Variants in TET1 observed in about 807,000 individuals in gnomAD.
TET1 encodes the protein methylcytosine dioxygenase TET1.
A neutral mutation model predicts 148.7 loss-of-function variants in TET1; 13 were observed. The ratio of observed to expected loss-of-function variants is 0.09; its 90% CI spans 0.06 to 0.14. The LOEUF (loss-of-function observed/expected upper bound fraction) is 0.14. Among genes scored for constraint, TET1 ranks in the 10% least tolerant of loss-of-function variants. The pLI is 1.00. For missense variants in TET1, 2,182 were observed against 2,553.8 expected, an observed-to-expected ratio of 0.85 and a Z score of 3.14; for synonymous variants, 907 against 937.2, an observed-to-expected ratio of 0.97 and a Z score of 0.59.
intron 3 of TET1, among the ~76,000 whole-genome samples, chr10:68,627,422 A>G (rs898789538): frequency 2.6e-5 from 4 of 151,728 alleles, no homozygotes; most frequent in Non-Finnish European, 4.4e-5. Context: ...AAAAAAAATA[A>G]ATAAATAAAA....
At chr10:68,600,464 C>T (rs1368786930) in intron 2 of TET1, among the ~76,000 whole-genome samples, 3 of 152,282 alleles carry the variant, frequency 2.0e-5, no homozygotes, top group South Asian at 2.1e-4. Flanking sequence ...AGAGCCGAGC[C>T]GCACAGGAGA....
intron 2 of TET1, among the ~76,000 whole-genome samples, chr10:68,584,367 CAT>C (rs1386733639): frequency 6.6e-6 from 1 of 150,974 alleles, no homozygotes; most frequent in African/African-American, 2.4e-5. Context: ...CTTACAAATA[CAT>C]ATGAGTCAGC....
At chr10:68,619,219 T>G (rs982835330) in intron 3 of TET1, among the ~76,000 whole-genome samples, 4 of 152,126 alleles carry the variant, frequency 2.6e-5, no homozygotes, top group African/African-American at 9.7e-5. Flanking sequence ...TAGACACATG[T>G]GTCCACCCCT....
Position 68,572,774 on chromosome 10 carries a change from C to G in TET1, c.436C>G (p.Pro146Ala), listed in dbSNP as rs774343833. 1 of 1,614,142 alleles carries G rather than the reference C, an allele frequency of 6.2e-7. No homozygotes were observed. The highest frequency in any genetic ancestry group is 1.1e-5 in the South Asian group (1 of 91,076). ...ACATGATTGTGATTATAAGATACTC[C>G]CTGCTTTGGGAGTAAAGCACTCAGA... is the stretch of plus-strand genomic sequence containing the variant. ...KQHDCDYKILPALGVKHSEND... is the reference protein window; with the variant it reads ...KQHDCDYKILAALGVKHSEND... The change falls in exon 2 of 12, where the codon CCT becomes GCT. Residue 146 changes from proline (P) to alanine (A), a missense_variant. Pro to Ala is a conservative substitution (Grantham distance 27). Around this residue, in one of 11 missense-constraint regions of TET1, gnomAD observed 665 missense variants for 672.4 expected, o/e 0.99. Coordinates refer to ENST00000373644, the MANE Select transcript of TET1 (RefSeq NM_030625.3).
At chr10:68,580,808 A>AT (rs2053788811) in intron 2 of TET1, among the ~76,000 whole-genome samples, 1 of 133,804 alleles carries the variant, frequency 7.5e-6, no homozygotes, top group Non-Finnish European at 1.6e-5. Flanking sequence ...AAAAAAAAAT[A>AT]TATATATATA....
intron 3 of TET1, among the ~76,000 whole-genome samples, chr10:68,642,471 G>A (rs535339218): frequency 2.7e-4 from 41 of 152,110 alleles, no homozygotes; most frequent in African/African-American, 9.2e-4. Context: ...ATAAGGATTA[G>A]AGGAGGAAAT....
chr10:68,642,118 G>A (rs999719951), intron 3 of TET1, among the ~76,000 whole-genome samples: 2 of 152,102 alleles, frequency 1.3e-5, no homozygotes, highest in Non-Finnish European at 2.9e-5. Context: ...CCACTGTCTC[G>A]ATTCCTGTGG....
chr10:68,604,667 C>G (rs1026328530), intron 3 of TET1, among the ~76,000 whole-genome samples: 1 of 152,116 alleles, frequency 6.6e-6, no homozygotes, highest in African/African-American at 2.4e-5. Flanking sequence ...ACACGCTGGT[C>G]AGCCTTCTGG....
chr10:68,686,020 C>T (rs1358554799), intron 10 of TET1, among the ~76,000 whole-genome samples: 2 of 152,078 alleles, frequency 1.3e-5, no homozygotes, highest in African/African-American at 4.8e-5. Flanking sequence ...ACACAATAAA[C>T]ATAGTTCAAT....
At chr10:68,627,754 C>T (rs1262385559) in intron 3 of TET1, among the ~76,000 whole-genome samples, 2 of 146,228 alleles carry the variant, frequency 1.4e-5, no homozygotes, top group African/African-American at 2.5e-5. Flanking sequence ...GGTGAAACCC[C>T]GTCTCTACCA....
In TET1 at chr10:68,691,778, C is replaced by A; in HGVS notation, c.6375C>A (p.Leu2125=). 1 of 1,613,822 alleles carries A rather than the reference C, an allele frequency of 6.2e-7. No homozygotes were observed. Among genetic ancestry groups the A allele is most frequent in the African/African-American group, 1.3e-5 (1 of 75,054 alleles). Reference sequence around the variant, plus strand: ...TTGTCACCGTGTCCCCTTATGCTCTCACACACGTTGCGGGGCCCTATAACC... The same window carrying A: ...TTGTCACCGTGTCCCCTTATGCTCTAACACACGTTGCGGGGCCCTATAACC... ...DNVVTVSPYA[L]THVAGPYNHW... is the part of the protein sequence containing the mutation. The change falls in exon 12 of 12, where the codon CTC becomes CTA. Residue 2125 remains leucine (L), a synonymous_variant. Coordinates refer to ENST00000373644, the MANE Select transcript of TET1 (RefSeq NM_030625.3). The surrounding 1 kb of genome is among the most constrained non-coding windows in gnomAD (Gnocchi z 4.4).
chr10:68,636,604 A>C (rs1295472007), intron 3 of TET1, among the ~76,000 whole-genome samples: 1 of 152,146 alleles, frequency 6.6e-6, no homozygotes, highest in African/African-American at 2.4e-5. Flanking sequence ...AGCCTGAGAG[A>C]TCGAGACTGT....
intron 3 of TET1, among the ~76,000 whole-genome samples, chr10:68,638,329 C>T (rs1440884500): frequency 3.3e-5 from 5 of 152,302 alleles, no homozygotes; most frequent in Middle Eastern, 3.4e-3. Context: ...TAGACAAATA[C>T]TTTGTGGTCT....
intron 6 of TET1, among the ~76,000 whole-genome samples, chr10:68,662,399 T>C (rs2055134030): frequency 6.6e-6 from 1 of 152,218 alleles, no homozygotes; most frequent in African/African-American, 2.4e-5. Context: ...GTTGACATCA[T>C]GATTCAATTT....
At chr10:68,604,762 G>T (rs1049686207) in intron 3 of TET1, among the ~76,000 whole-genome samples, 12 of 152,212 alleles carry the variant, frequency 7.9e-5, no homozygotes, top group African/African-American at 2.9e-4. Context: ...CACAGGGGTG[G>T]TATGGTAGAG....
chr10:68,654,295 A>T (rs903017181), intron 6 of TET1, among the ~76,000 whole-genome samples: 1 of 151,864 alleles, frequency 6.6e-6, no homozygotes, highest in Non-Finnish European at 1.5e-5. Flanking sequence ...GAGTCCAGTA[A>T]AAAAAATCTA....
At chr10:68,684,923 T>A (rs2055489495) in intron 10 of TET1, among the ~76,000 whole-genome samples, 1 of 152,172 alleles carries the variant, frequency 6.6e-6, no homozygotes, top group Admixed American at 6.5e-5. Flanking sequence ...GCATGACTAT[T>A]ATTAGTTATG....
intron 3 of TET1, among the ~76,000 whole-genome samples, chr10:68,636,486 G>A (rs989026244): frequency 3.9e-5 from 6 of 152,134 alleles, no homozygotes; most frequent in African/African-American, 1.2e-4. Flanking sequence ...GGGAGGCCAA[G>A]GCAGGAGGAT....
intron 3 of TET1, among the ~76,000 whole-genome samples, chr10:68,636,796 T>C (rs1345071101): frequency 1.3e-5 from 2 of 152,052 alleles, no homozygotes; most frequent in African/African-American, 4.8e-5. Flanking sequence ...GAGTCTAGGG[T>C]CACACAGTTT....
Sources: gnomAD v4.1 joint callset for allele counts (sites outside exome capture counted in the v4.1 genomes callset) on GRCh38, gnomAD v4.1.1 for gene constraint, gnomAD v4.1.1 regional missense constraint, Gnocchi (gnomAD v3.1) non-coding constraint, MANE v1.5 for transcripts, NCBI Gene and HGNC (gene_info 2026-07-23, HGNC 2026-07-21) for gene names.